Variants in NALCN observed in about 807,000 individuals in gnomAD.
The protein encoded by NALCN is sodium leak channel, non-selective.
Under a neutral mutation model 225.3 loss-of-function variants are expected in NALCN, and 111 were observed. The ratio of observed to expected loss-of-function variants is 0.49; its 90% CI spans 0.42 to 0.58. The LOEUF (loss-of-function observed/expected upper bound fraction) is 0.58. Among genes scored for constraint, NALCN ranks in the 20% least tolerant of loss-of-function variants. The pLI, the probability that NALCN is intolerant of heterozygous loss-of-function variation, is 0.00. For missense variants in NALCN, 1,378 were observed against 2,202.4 expected, an observed-to-expected ratio of 0.63 and a Z score of 7.49; for synonymous variants, 764 against 769.0, an observed-to-expected ratio of 0.99 and a Z score of 0.11.
intron 11 of NALCN, among the ~76,000 whole-genome samples, chr13:101,245,294 A>G (rs2041860243): frequency 6.6e-6 from 1 of 152,098 alleles, no homozygotes; most frequent in Non-Finnish European, 1.5e-5. Context: ...AGTATAATAA[A>G]CTTTTCTTTT....
At chr13:101,094,510 T>C (rs1481125099) in intron 28 of NALCN, among the ~76,000 whole-genome samples, 2 of 152,106 alleles carry the variant, frequency 1.3e-5, no homozygotes, top group Non-Finnish European at 2.9e-5. Context: ...TTAATTTTTA[T>C]CTCATGGAAG....
At chr13:101,251,334 T>A (rs922743758) in intron 11 of NALCN, among the ~76,000 whole-genome samples, 5 of 152,080 alleles carry the variant, frequency 3.3e-5, no homozygotes, top group Non-Finnish European at 7.4e-5. Flanking sequence ...AAGTGGCACC[T>A]TAATACTTCA....
chr13:101,092,022 A>C (rs1236351467), intron 28 of NALCN, among the ~76,000 whole-genome samples: 1 of 152,200 alleles, frequency 6.6e-6, no homozygotes, highest in East Asian at 1.9e-4. Context: ...GCAAAGTTTG[A>C]AACTTTACCT....
At chr13:101,310,651 T>C (rs934706075) in intron 7 of NALCN, among the ~76,000 whole-genome samples, 2 of 152,146 alleles carry the variant, frequency 1.3e-5, no homozygotes, top group African/African-American at 4.8e-5. Context: ...CCTGTTTCCT[T>C]TGGTAGAATT....
chr13:101,107,811 G>A (rs200891943), intron 20 of NALCN, 22 bp from the exon 21 acceptor site: 12 of 1,598,512 alleles, frequency 7.5e-6, no homozygotes, highest in Middle Eastern at 3.3e-4. Flanking sequence ...TTAACAGGGG[G>A]TGTGTTAAAA....
chr13:101,314,110 A>G (rs1239628231), intron 7 of NALCN, among the ~76,000 whole-genome samples: 3 of 138,894 alleles, frequency 2.2e-5, no homozygotes, highest in Non-Finnish European at 3.0e-5. Context: ...GAATTGAACA[A>G]TGAGAACACA....
At chr13:101,396,486 T>G (rs1271923121) in intron 2 of NALCN, among the ~76,000 whole-genome samples, 1 of 152,118 alleles carries the variant, frequency 6.6e-6, no homozygotes, top group Non-Finnish European at 1.5e-5. Flanking sequence ...ATACTCAAGA[T>G]GAAAAATAGA....
At chr13:101,212,634 TGAAA>T (rs1459271932) in intron 13 of NALCN, among the ~76,000 whole-genome samples, 1 of 152,144 alleles carries the variant, frequency 6.6e-6, no homozygotes, top group Admixed American at 6.6e-5. Context: ...AGATATTTTG[TGAAA>T]GATGATTTTC....
chr13:101,143,018 G>T (rs550027100), intron 17 of NALCN, 62 bp downstream of exon 17: 1 of 1,590,522 alleles, frequency 6.3e-7, no homozygotes, highest in South Asian at 1.1e-5. Flanking sequence ...AGAACTCTGC[G>T]GTTCTTTTCT....
chr13:101,396,391 A>C (rs188165373), intron 2 of NALCN, among the ~76,000 whole-genome samples: 28 of 152,230 alleles, frequency 1.8e-4, no homozygotes, highest in South Asian at 1.2e-3. Context: ...GACATATATG[A>C]AATTATGATA....
intron 10 of NALCN, among the ~76,000 whole-genome samples, chr13:101,279,827 T>TA (rs1425299780): frequency 0.025 from 1,372 of 53,944 alleles, 15 homozygotes; most frequent in South Asian, 0.051. Context: ...AAAAAATAAA[T>TA]AAATAAATAA....
chr13:101,392,831 A>G (rs1005407692), intron 3 of NALCN, among the ~76,000 whole-genome samples: 4 of 152,240 alleles, frequency 2.6e-5, no homozygotes, highest in South Asian at 4.1e-4. Flanking sequence ...GTAGCAGAAT[A>G]TAATATTAAT....
intron 17 of NALCN, among the ~76,000 whole-genome samples, chr13:101,129,866 C>T (rs765625442): frequency 1.6e-3 from 239 of 151,780 alleles, no homozygotes; most frequent in Non-Finnish European, 1.0e-3. Flanking sequence ...TGCTATCCCT[C>T]CCCTTGCCCC....
chr13:101,253,639 A>G (rs1566489268), intron 11 of NALCN, among the ~76,000 whole-genome samples: 2 of 152,184 alleles, frequency 1.3e-5, no homozygotes, highest in Non-Finnish European at 2.9e-5. Flanking sequence ...ACAAAATGTT[A>G]TTATTTATTT....
chr13:101,102,282 C>CAAAAAAAAAG (rs2034861960), intron 26 of NALCN, among the ~76,000 whole-genome samples: 3 of 147,038 alleles, frequency 2.0e-5, no homozygotes, highest in Non-Finnish European at 4.5e-5. Flanking sequence ...GATTCTGTCT[C>CAAAAAAAAAG]AAAAAAAAAG....
intron 7 of NALCN, among the ~76,000 whole-genome samples, chr13:101,330,247 T>A (rs1309692204): frequency 6.6e-6 from 1 of 152,034 alleles, no homozygotes; most frequent in Non-Finnish European, 1.5e-5. Flanking sequence ...ATGAGCAAAC[T>A]ATCCAGCGGT....
chr13:101,181,265 T>A, intron 14 of NALCN: 1 of 518,664 alleles, frequency 1.9e-6, no homozygotes, highest in South Asian at 1.4e-5. Context: ...GGCAGAGGGT[T>A]TGGAGGCTGG....
intron 16 of NALCN, among the ~76,000 whole-genome samples, chr13:101,144,302 G>A (rs1305155745): frequency 6.6e-6 from 1 of 152,196 alleles, no homozygotes; most frequent in African/African-American, 2.4e-5. Context: ...ACCTGACATG[G>A]TAGGCTCCAT....
At chr13:101,194,317 T>C (rs1388787186) in intron 13 of NALCN, among the ~76,000 whole-genome samples, 1 of 152,172 alleles carries the variant, frequency 6.6e-6, no homozygotes, top group Non-Finnish European at 1.5e-5. Context: ...CACTAAATTA[T>C]ATTTGCGAAC....
Sources: allele counts gnomAD v4.1 joint callset (sites outside exome capture counted in the v4.1 genomes callset), GRCh38; gene constraint gnomAD v4.1.1; transcripts MANE v1.5; gene names NCBI Gene and HGNC (gene_info 2026-07-23, HGNC 2026-07-21).